The following ABLIM2 variants were observed in gnomAD, a reference collection of about 807,000 sequenced individuals.
ABLIM2 encodes the protein actin binding LIM protein family member 2.
A neutral mutation model predicts 97.7 loss-of-function variants in ABLIM2; 53 were observed. The observed-to-expected ratio is 0.54, with a 90% CI of 0.44 to 0.68. The LOEUF (loss-of-function observed/expected upper bound fraction) is 0.68. Ranked by LOEUF, ABLIM2 falls within the 30% of genes least tolerant of loss-of-function variation. ABLIM2 has a pLI of 0.00. For synonymous variants in ABLIM2, 361 were observed against 345.8 expected (o/e 1.04, Z -0.49); for missense variants, 835 against 867.2 (o/e 0.96, Z 0.47).
At chr4:8,152,607 T>C (rs1405706466) in intron 1 of ABLIM2, among the ~76,000 whole-genome samples, 1 of 152,224 alleles carries the variant, frequency 6.6e-6, no homozygotes, top group Non-Finnish European at 1.5e-5. Context: ...GGTTGCTCTG[T>C]GCTGGGTGCG....
intron 3 of ABLIM2, among the ~76,000 whole-genome samples, chr4:8,091,882 TAA>T (rs1206652659): frequency 8.6e-6 from 1 of 116,338 alleles, no homozygotes; most frequent in African/African-American, 3.3e-5. Flanking sequence ...ATATATATTA[TAA>T]TATATAACAT....
Position 8,093,948 on chromosome 4 carries a change from C to T in ABLIM2, c.338+3151G>A, listed in dbSNP as rs1019442931. 3.3e-5 allele frequency among the ~76,000 whole-genome samples: 5 copies of T among 152,244 alleles called. No homozygotes were observed. In the South Asian group the frequency reaches 1.0e-3, roughly 32 times the overall value. ...CTTCCTTAAACACTTGTTGGTCTCC[C>T]TTATCCACCTAGATAGAGAAATAGA... On this transcript the variant is annotated intron_variant, in intron 3 of 20. Transcript: ENST00000447017.
At position 8,021,922 on chromosome 4, in the gene ABLIM2, G is replaced by A. The variant is rs1773996104; in HGVS notation, c.1268-1619C>T. ...TAGAGCCTCAGTTGGCTCTACAGGT[G>A]CCCTTGCTGGCCGTGGCACCCTTGC... is the stretch of plus-strand genomic sequence containing the variant. On this transcript the variant is annotated intron_variant, in intron 12 of 20. Transcript: ENST00000447017. This position sits in a 1 kb window ranked among gnomAD's most constrained non-coding sequence, Gnocchi z 5.5. Among the ~76,000 whole-genome samples the A allele has an allele frequency of 1.3e-5, 2 of 152,212 alleles. No individual in the cohort carries two copies. The highest frequency in any genetic ancestry group is 4.1e-4 in the South Asian group (2 of 4,832).
rs761374024 is a variant in ABLIM2 at position 8,005,280 on chromosome 4, G to A, written c.1618+2779C>T. On this transcript the variant is annotated intron_variant, in intron 16 of 20. Transcript: ENST00000447017. This position sits in a 1 kb window ranked among gnomAD's most constrained non-coding sequence, Gnocchi z 4.9. ...TGCTCTTGTCTTCTCTGTCCCCCTC[G>A]GCGCCCCGCTCAGCGTCTGGCACAG... The A allele has an allele frequency of 1.7e-5, 9 of 524,576 alleles. No homozygotes were observed. The highest frequency in any genetic ancestry group is 1.2e-4 in the African/African-American group (6 of 51,762). 32.5% of individuals were successfully genotyped at this position (524,576 alleles called of 1,614,324 possible). A position where few individuals can be genotyped will look rare whatever the true frequency, so the allele number is the denominator to read the frequency against.
chr4:8,105,347 T>C (rs1213059292), intron 2 of ABLIM2, among the ~76,000 whole-genome samples: 1 of 152,220 alleles, frequency 6.6e-6, no homozygotes, highest in African/African-American at 2.4e-5. Context: ...TTACCTAACA[T>C]TATCTCCCTC....
chr4:8,157,284 T>C (rs1205703776), intron 1 of ABLIM2, among the ~76,000 whole-genome samples: 3 of 152,150 alleles, frequency 2.0e-5, no homozygotes, highest in Admixed American at 2.0e-4. Flanking sequence ...GTATCAATTA[T>C]GGCCACAAGA....
In ABLIM2 at chr4:7,993,203, C is replaced by T. The variant is rs147295866; in HGVS notation, c.1619-276G>A. On this transcript the variant is annotated intron_variant, in intron 16 of 20. Transcript: ENST00000447017. ...TGGCCCCTGTGTTCAGGGACAGGCT[C>T]GGGCCTGGGCACCACCTGGCACCTG... 5.1e-3 allele frequency among the ~76,000 whole-genome samples: 782 copies of T among 152,364 alleles called. 7 individuals carry two copies. Among genetic ancestry groups the T allele is most frequent in the South Asian group, 9.1e-3 (44 of 4,834 alleles).
At chr4:8,025,282 G>A (rs1578990774) in intron 12 of ABLIM2, among the ~76,000 whole-genome samples, 1 of 152,332 alleles carries the variant, frequency 6.6e-6, no homozygotes, top group East Asian at 1.9e-4. Context: ...GGGGAACCAG[G>A]GCAGAGATGG....
chr4:7,977,747 C>T (rs560058400), intron 20 of ABLIM2, among the ~76,000 whole-genome samples: 89 of 149,470 alleles, frequency 6.0e-4, no homozygotes, highest in African/African-American at 1.9e-3. Context: ...GCTGAGATTG[C>T]GCCACTGCCC....
intron 1 of ABLIM2, among the ~76,000 whole-genome samples, chr4:8,137,566 G>A (rs1226658108): frequency 6.6e-6 from 1 of 152,246 alleles, no homozygotes; most frequent in African/African-American, 2.4e-5. Context: ...AGCTCAGCCT[G>A]GCCGGGCACA....
Position 8,058,606 on chromosome 4 carries a change from A to T in ABLIM2, c.763+2361T>A, listed in dbSNP as rs1263255678. ...GCCCCTATGCCCCGTCCAATCCATCATCAAGTCTGGGGGCTGCACTCCAGC... is the reference window on the plus strand; with the variant it reads ...GCCCCTATGCCCCGTCCAATCCATCTTCAAGTCTGGGGGCTGCACTCCAGC... On this transcript the variant is annotated intron_variant, in intron 7 of 20. Transcript: ENST00000447017. This position sits in a 1 kb window ranked among gnomAD's most constrained non-coding sequence, Gnocchi z 4.2. Among the ~76,000 whole-genome samples, 3 of 152,068 alleles carry T rather than the reference A, an allele frequency of 2.0e-5. No homozygotes were observed. The highest frequency in any genetic ancestry group is 4.4e-5 in the Non-Finnish European group (3 of 68,010).
intron 7 of ABLIM2, among the ~76,000 whole-genome samples, chr4:8,056,661 T>A (rs1479872535): frequency 6.6e-6 from 1 of 151,682 alleles, no homozygotes; most frequent in Non-Finnish European, 1.5e-5. Flanking sequence ...GGCCGGGTGC[T>A]GTGGCTCACA....
At chr4:8,041,772 C>T (rs1333635573) in intron 9 of ABLIM2, among the ~76,000 whole-genome samples, 7 of 152,106 alleles carry the variant, frequency 4.6e-5, no homozygotes, top group South Asian at 2.1e-4. Context: ...TGCATGGTGG[C>T]GGGTGCCTGT....
rs746617490 is a variant in ABLIM2 at position 8,004,551 on chromosome 4, G to C, written c.1618+3508C>G. ...CCGGGGGTTTGTATTATGCTGACAC[G>C]CCTCTGACCTTCGAGGGTGGGACGT... On this transcript the variant is annotated intron_variant, in intron 16 of 20. Coordinates refer to ENST00000447017, the MANE Select transcript of ABLIM2 (RefSeq NM_001130083.2). This position sits in a 1 kb window ranked among gnomAD's most constrained non-coding sequence, Gnocchi z 5.9. 5.3e-5 allele frequency among the ~76,000 whole-genome samples: 8 copies of C among 152,250 alleles called. No individual in the cohort carries two copies. Among genetic ancestry groups the C allele is most frequent in the Admixed American group, 3.3e-4 (5 of 15,292 alleles).
intron 17 of ABLIM2, among the ~76,000 whole-genome samples, chr4:7,988,359 T>C (rs1746094153): frequency 6.6e-6 from 1 of 152,224 alleles, no homozygotes; most frequent in Non-Finnish European, 1.5e-5. Flanking sequence ...GCTCTATAGG[T>C]ACATTCTCTA....
Position 8,124,711 on chromosome 4 carries a change from A to G in ABLIM2, c.11-18074T>C, listed in dbSNP as rs773992343. On this transcript the variant is annotated intron_variant, in intron 1 of 20. Coordinates refer to ENST00000447017, the MANE Select transcript of ABLIM2 (RefSeq NM_001130083.2). This position sits in a 1 kb window ranked among gnomAD's most constrained non-coding sequence, Gnocchi z 6.1. The stretch of plus-strand genomic sequence containing the variant: ...TTTGGTGATTGTGAATAACACGGCT[A>G]TGAACATTCGAGTGTGAATATTCGT... Among the ~76,000 whole-genome samples, 1 of 152,256 alleles carries G rather than the reference A, an allele frequency of 6.6e-6. No homozygotes were observed. The highest frequency in any genetic ancestry group is 2.4e-5 in the African/African-American group (1 of 41,466).
chr4:8,015,569 TTAATTCC>T lies in ABLIM2; in HGVS notation c.1423+4042_1423+4048del, dbSNP rs1768383712. On this transcript the variant is annotated intron_variant, in intron 14 of 20. Transcript: ENST00000447017. This position sits in a 1 kb window ranked among gnomAD's most constrained non-coding sequence, Gnocchi z 4.6. ...ATCCCAGAGACACAGCAAGGAGTGA[TTAATTCC>T]TGCTTTAAACCAGGGCACAAAGACA... Among the ~76,000 whole-genome samples the T allele has an allele frequency of 2.0e-5, 3 of 152,258 alleles. No individual in the cohort carries two copies. In the East Asian group the frequency reaches 5.8e-4, roughly 29 times the overall value.
chr4:8,154,307 G>A (rs1345555350), intron 1 of ABLIM2, among the ~76,000 whole-genome samples: 3 of 124,284 alleles, frequency 2.4e-5, no homozygotes, highest in Admixed American at 1.8e-4. Flanking sequence ...TTTGGAGACA[G>A]AGTCTTGCTC....
chr4:7,988,682 C>T (rs1206989388), intron 17 of ABLIM2, among the ~76,000 whole-genome samples: 4 of 152,178 alleles, frequency 2.6e-5, no homozygotes, highest in Non-Finnish European at 4.4e-5. Context: ...GGGAACCATG[C>T]TATGGAGCTT....
Sources: gnomAD v4.1 joint callset for allele counts (sites outside exome capture counted in the v4.1 genomes callset) on GRCh38, gnomAD v4.1.1 for gene constraint, Gnocchi (gnomAD v3.1) non-coding constraint, MANE v1.5 for transcripts, NCBI Gene and HGNC (gene_info 2026-07-23, HGNC 2026-07-21) for gene names.